ATP10A: variants seen among roughly 807,000 people sequenced by gnomAD.
The protein encoded by ATP10A is phospholipid-transporting ATPase VA.
ATP10A carries 111 observed loss-of-function variants against 147.8 expected under a neutral mutation model. The ratio of observed to expected loss-of-function variants is 0.75; its 90% CI spans 0.64 to 0.88. The LOEUF (loss-of-function observed/expected upper bound fraction) is 0.88, where lower values mean the gene tolerates loss of function less well. ATP10A is among the 40% of genes least tolerant of loss of function. The probability of loss-of-function intolerance (pLI) is 0.00; values close to 1 mark genes in which losing one functional copy is unlikely to be tolerated. For missense variants in ATP10A, 1,927 were observed against 1,959.0 expected (o/e 0.98, Z 0.31); for synonymous variants, 875 against 841.6 (o/e 1.04, Z -0.69).
intron 2 of ATP10A, among the ~76,000 whole-genome samples, chr15:25,780,380 G>A (rs1290795777): frequency 6.6e-6 from 1 of 152,242 alleles, no homozygotes; most frequent in African/African-American, 2.4e-5. Flanking sequence ...TGATCTCTGA[G>A]GGCTCCTGCC....
At chr15:25,696,151 T>G (rs537278100) in intron 13 of ATP10A, among the ~76,000 whole-genome samples, 81 of 152,296 alleles carry the variant, frequency 5.3e-4, no homozygotes, top group Non-Finnish European at 5.6e-4. Context: ...CAGTGACCAG[T>G]GCCCTGCAAC....
At chr15:25,746,220 T>G (rs1887837797) in intron 2 of ATP10A, among the ~76,000 whole-genome samples, 1 of 152,148 alleles carries the variant, frequency 6.6e-6, no homozygotes, top group African/African-American at 2.4e-5. Context: ...CCTGTATTAA[T>G]ATTAGATAAT....
intron 2 of ATP10A, among the ~76,000 whole-genome samples, chr15:25,746,260 T>C (rs1032673290): frequency 6.6e-5 from 10 of 152,254 alleles, no homozygotes; most frequent in African/African-American, 2.2e-4. Context: ...CATGTCTCTA[T>C]ATAAAAAGCA....
At chr15:25,826,942 A>G (rs1198494078) in intron 1 of ATP10A, among the ~76,000 whole-genome samples, 1 of 152,216 alleles carries the variant, frequency 6.6e-6, no homozygotes, top group Non-Finnish European at 1.5e-5. Context: ...ACTTATACAC[A>G]TCATAATCAA....
intron 2 of ATP10A, among the ~76,000 whole-genome samples, chr15:25,762,080 T>C (rs778576311): frequency 3.9e-5 from 6 of 152,156 alleles, no homozygotes; most frequent in Non-Finnish European, 7.3e-5. Context: ...CATGCTGTTC[T>C]CGTGACAGTG....
intron 1 of ATP10A, among the ~76,000 whole-genome samples, chr15:25,791,061 C>T (rs1473133107): frequency 6.8e-6 from 1 of 146,862 alleles, no homozygotes; most frequent in African/African-American, 2.5e-5. Flanking sequence ...GCTGCTTCGT[C>T]TTTTTAAAAC....
intron 1 of ATP10A, among the ~76,000 whole-genome samples, chr15:25,847,055 C>T (rs1325845923): frequency 6.6e-6 from 1 of 152,194 alleles, no homozygotes; most frequent in Non-Finnish European, 1.5e-5. Context: ...AAAAAGCATC[C>T]ATAGAGCATC....
chr15:25,756,907 T>C (rs1400545755), intron 2 of ATP10A, among the ~76,000 whole-genome samples: 5 of 152,192 alleles, frequency 3.3e-5, no homozygotes, highest in African/African-American at 4.8e-5. Context: ...CAGGGAAAAC[T>C]TGAGATGATG....
At chr15:25,791,738 G>T (rs528584084) in intron 1 of ATP10A, among the ~76,000 whole-genome samples, 2 of 152,176 alleles carry the variant, frequency 1.3e-5, no homozygotes, top group East Asian at 3.9e-4. Flanking sequence ...CACGAAACCT[G>T]TGAGAGCATT....
At chr15:25,864,987 T>A (rs1567442565), upstream of ATP10A, 3 of 150,440 alleles carry the variant, frequency 2.0e-5, no homozygotes, top group Non-Finnish European at 4.5e-5. Flanking sequence ...GTTGCCAAAG[T>A]AATTACCGCC....
intron 2 of ATP10A, among the ~76,000 whole-genome samples, chr15:25,752,200 T>C (rs1888189835): frequency 1.3e-5 from 2 of 152,152 alleles, no homozygotes; most frequent in African/African-American, 4.8e-5. Flanking sequence ...GCCAAAGAGA[T>C]GTCTGCACTC....
At chr15:25,699,024 T>C (rs11161208) in intron 13 of ATP10A, among the ~76,000 whole-genome samples, 86,174 of 152,066 alleles carry the variant, frequency 0.57, 26,921 homozygotes, top group Non-Finnish European at 0.71. Flanking sequence ...GCTTCCCAAA[T>C]TGATTTATAA....
chr15:25,688,042 G>T, intron 15 of ATP10A: 1 of 605,120 alleles, frequency 1.7e-6, no homozygotes, highest in Non-Finnish European at 3.0e-6. Flanking sequence ...CTAGTTCAGG[G>T]ATGTCACCTT....
At chr15:25,780,483 C>G (rs1195819492) in intron 2 of ATP10A, among the ~76,000 whole-genome samples, 1 of 152,232 alleles carries the variant, frequency 6.6e-6, no homozygotes, top group African/African-American at 2.4e-5. Context: ...AGATGTTGGG[C>G]AGCCCAATGG....
At chr15:25,726,621 T>G (rs573748410) in intron 4 of ATP10A, among the ~76,000 whole-genome samples, 1 of 151,942 alleles carries the variant, frequency 6.6e-6, no homozygotes, top group South Asian at 2.1e-4. Flanking sequence ...TTTTGTGTGT[T>G]TTTAGTAGAG....
chr15:25,766,922 A>C (rs11858276), intron 2 of ATP10A, among the ~76,000 whole-genome samples: 58,137 of 149,832 alleles, frequency 0.39, 12,498 homozygotes, highest in East Asian at 0.56. Flanking sequence ...AAAAAAAAAA[A>C]CTTTAATGGG....
chr15:25,797,170 A>G (rs988341198), intron 1 of ATP10A, among the ~76,000 whole-genome samples: 9 of 151,912 alleles, frequency 5.9e-5, no homozygotes, highest in East Asian at 1.9e-4. Context: ...CTCTGCTTCT[A>G]TGAATTCAAC....
chr15:25,829,333 T>G (rs1892255075), intron 1 of ATP10A, among the ~76,000 whole-genome samples: 1 of 152,178 alleles, frequency 6.6e-6, no homozygotes, highest in Non-Finnish European at 1.5e-5. Flanking sequence ...CCATTTCCCC[T>G]GAACTTAGGC....
chr15:25,680,402 G>A (rs571863784), intron 19 of ATP10A, 94 bp from the exon 20 acceptor site: 291 of 1,357,742 alleles, frequency 2.1e-4, no homozygotes, highest in South Asian at 3.3e-4. Context: ...ATGAGCAGGT[G>A]TGAGGTTCTG....
Sources: allele counts gnomAD v4.1 joint callset (sites outside exome capture counted in the v4.1 genomes callset), GRCh38; gene constraint gnomAD v4.1.1; transcripts MANE v1.5; gene names NCBI Gene and HGNC (gene_info 2026-07-23, HGNC 2026-07-21).